RBBP4: variants seen among roughly 807,000 people sequenced by gnomAD.
RBBP4 encodes histone-binding protein RBBP4.
Under a neutral mutation model 57.2 loss-of-function variants are expected in RBBP4, and 3 were observed. The ratio of observed to expected loss-of-function variants is 0.05; its 90% CI spans 0.02 to 0.14. RBBP4 has a LOEUF of 0.14. RBBP4 is among the 10% of genes least tolerant of loss of function. The pLI is 1.00. For missense variants in RBBP4, 107 were observed against 520.6 expected (o/e 0.21, Z 7.73); for synonymous variants, 151 against 171.5 (o/e 0.88, Z 0.93).
intron 3 of RBBP4, among the ~76,000 whole-genome samples, chr1:32,660,533 C>G (rs1388905964): frequency 6.6e-6 from 1 of 151,894 alleles, no homozygotes; most frequent in African/African-American, 2.4e-5. Flanking sequence ...TCTCCTGATT[C>G]AGCCTCCCAA....
intron 3 of RBBP4, among the ~76,000 whole-genome samples, chr1:32,659,736 TTTA>T (rs1358353164): frequency 1.3e-5 from 2 of 152,220 alleles, no homozygotes; most frequent in Non-Finnish European, 2.9e-5. Context: ...ATAATTTGCT[TTTA>T]TGGCCTAATA....
chr1:32,651,841 T>C, intron 1 of RBBP4, 73 bp from the exon 2 acceptor site: 1 of 1,481,290 alleles, frequency 6.8e-7, no homozygotes, highest in South Asian at 1.2e-5. Flanking sequence ...GTAGGAGTCA[T>C]GCAGGTGGCT....
Position 32,658,578 on chromosome 1 carries a change from G to A in RBBP4, c.310+1006G>A, listed in dbSNP as rs2642552. Among the ~76,000 whole-genome samples the A allele has an allele frequency of 3.7e-3, 524 of 142,414 alleles. 5 individuals are homozygous for A. Among genetic ancestry groups the A allele is most frequent in the African/African-American group, 0.013 (494 of 38,160 alleles). 93.4% of individuals were successfully genotyped at this position (142,414 alleles called of 152,430 possible). A position where few individuals can be genotyped will look rare whatever the true frequency, so the allele number is the denominator to read the frequency against. On this transcript the variant is annotated intron_variant, in intron 3 of 11. Coordinates refer to ENST00000373493, the MANE Select transcript of RBBP4 (RefSeq NM_005610.3). ...TTTTTTTTTTTGGAGATGGAGTCTCGCTCTGCTGCCCAGGCTGGAGTGCAG... is the reference window on the plus strand; with the variant it reads ...TTTTTTTTTTTGGAGATGGAGTCTCACTCTGCTGCCCAGGCTGGAGTGCAG...
At chr1:32,654,182 G>A (rs1319612530) in intron 2 of RBBP4, among the ~76,000 whole-genome samples, 1 of 152,036 alleles carries the variant, frequency 6.6e-6, no homozygotes, top group African/African-American at 2.4e-5. Flanking sequence ...AGACCAGCCT[G>A]GGCAACATGG....
chr1:32,655,189 C>G (rs907731496), intron 2 of RBBP4, among the ~76,000 whole-genome samples: 5 of 152,024 alleles, frequency 3.3e-5, no homozygotes, highest in Non-Finnish European at 7.4e-5. Flanking sequence ...GTTGTCCAGA[C>G]TGTTCTTTAA....
chr1:32,669,900 GAA>G lies in RBBP4; in HGVS notation c.966+342_966+343del, dbSNP rs1648799986. Among the ~76,000 whole-genome samples the G allele has an allele frequency of 4.6e-5, 6 of 130,632 alleles. No individual in the cohort carries two copies. The highest frequency in any genetic ancestry group is 4.2e-4 in the South Asian group (2 of 4,734). 85.7% of individuals were successfully genotyped at this position (130,632 alleles called of 152,430 possible). ...AACGAGAGTCCGTCTCAAAAAAAAA[GAA>G]AAAAGAAAAACCTGGATGTATGAGT... On this transcript the variant is annotated intron_variant, in intron 8 of 11. Coordinates refer to ENST00000373493, the MANE Select transcript of RBBP4 (RefSeq NM_005610.3). The surrounding 1 kb of genome is among the most constrained non-coding windows in gnomAD (Gnocchi z 4.9).
At chr1:32,663,600 A>G (rs1266745685) in intron 3 of RBBP4, among the ~76,000 whole-genome samples, 1 of 148,912 alleles carries the variant, frequency 6.7e-6, no homozygotes, top group African/African-American at 2.5e-5. Flanking sequence ...TTTTTGAGAC[A>G]GAGTCTCGCT....
At chr1:32,677,470 TAAAAAAAAAAACAAAACAAA>T (rs1649150986) in intron 11 of RBBP4, among the ~76,000 whole-genome samples, 1 of 147,208 alleles carries the variant, frequency 6.8e-6, no homozygotes, top group Non-Finnish European at 1.5e-5. Flanking sequence ...ATCCTTTATT[TAAAAAAAAAAACAAAACAAA>T]AAACAAACAA....
Position 32,684,007 on chromosome 1 carries a change from C to G in RBBP4, c.*4302C>G, listed in dbSNP as rs1649631564. The G allele has an allele frequency of 6.2e-7, 1 of 1,613,414 alleles. No individual in the cohort carries two copies. The highest frequency in any genetic ancestry group is 1.3e-5 in the African/African-American group (1 of 74,910). Reference sequence around the variant, plus strand: ...ACACCACTCTTCTCTTCACAAAGATCACCTTGAGACTGTGTCTCCATTCCA... The same window carrying G: ...ACACCACTCTTCTCTTCACAAAGATGACCTTGAGACTGTGTCTCCATTCCA... On this transcript the variant is annotated 3_prime_UTR_variant, in exon 12 of 12. Transcript: ENST00000373493.
intron 11 of RBBP4, among the ~76,000 whole-genome samples, chr1:32,677,726 G>A (rs551497154): frequency 6.6e-6 from 1 of 152,150 alleles, no homozygotes; most frequent in African/African-American, 2.4e-5. Context: ...ACACCCAGTT[G>A]GTGTCCTAAG....
In RBBP4 at chr1:32,685,537, A is replaced by G. The variant is rs1469910302; in HGVS notation, c.*5832A>G. 1 of 152,220 alleles carries G rather than the reference A, an allele frequency of 6.6e-6. No homozygotes were observed. Among genetic ancestry groups the G allele is most frequent in the Non-Finnish European group, 1.5e-5 (1 of 68,042 alleles). The allele number at this position is 152,220 out of a possible 1,614,324, so 9.4% of individuals were successfully genotyped here. ...AAGGATCTAGATAATTTGTCCTCTGAGTCATACTTGACATTGTACCTGTGG... is the reference window on the plus strand; with the variant it reads ...AAGGATCTAGATAATTTGTCCTCTGGGTCATACTTGACATTGTACCTGTGG... On this transcript the variant is annotated 3_prime_UTR_variant, in exon 12 of 12. Coordinates refer to ENST00000373493, the MANE Select transcript of RBBP4 (RefSeq NM_005610.3).
Position 32,681,710 on chromosome 1 carries a change from T to C in RBBP4, c.*2005T>C, listed in dbSNP as rs1465987630. 4.4e-6 allele frequency: 6 copies of C among 1,379,058 alleles called. No individual in the cohort carries two copies. In the African/African-American group the frequency reaches 8.6e-5, roughly 20 times the overall value. The allele number at this position is 1,379,058 out of a possible 1,614,324, so 85.4% of individuals were successfully genotyped here. A position where few individuals can be genotyped will look rare whatever the true frequency, so the allele number is the denominator to read the frequency against. ...TCTTTTTAAGCAGGTCAGCCAGTATTTGCAACTTCCACAGGATGAATTGCT... is the reference window on the plus strand; with the variant it reads ...TCTTTTTAAGCAGGTCAGCCAGTATCTGCAACTTCCACAGGATGAATTGCT... On this transcript the variant is annotated 3_prime_UTR_variant, in exon 12 of 12. Transcript: ENST00000373493.
intron 2 of RBBP4, among the ~76,000 whole-genome samples, chr1:32,655,820 T>C (rs1004914542): frequency 4.6e-5 from 7 of 152,232 alleles, no homozygotes; most frequent in African/African-American, 1.4e-4. Context: ...TAAACCCCAA[T>C]GAATTCTGGT....
intron 3 of RBBP4, among the ~76,000 whole-genome samples, chr1:32,657,847 T>C (rs1648209736): frequency 6.6e-6 from 1 of 152,000 alleles, no homozygotes; most frequent in African/African-American, 2.4e-5. Context: ...ATATTATTGC[T>C]GTACATTCTT....
At chr1:32,668,528 T>A in intron 4 of RBBP4, 130 bp downstream of exon 4, 1 of 1,086,706 alleles carries the variant, frequency 9.2e-7, no homozygotes, top group Non-Finnish European at 1.3e-6. Flanking sequence ...ATGTGTATAT[T>A]TTTCTTCATT....
At chr1:32,656,281 G>A (rs1648135087) in intron 2 of RBBP4, among the ~76,000 whole-genome samples, 1 of 152,018 alleles carries the variant, frequency 6.6e-6, no homozygotes, top group African/African-American at 2.4e-5. Context: ...TGCAGCCTCC[G>A]CCTTTCGGGT....
chr1:32,656,488 G>A (rs1469085916), intron 2 of RBBP4, among the ~76,000 whole-genome samples: 2 of 152,156 alleles, frequency 1.3e-5, no homozygotes, highest in Non-Finnish European at 2.9e-5. Flanking sequence ...GAGTAGCTAG[G>A]ACTACAGGCA....
intron 3 of RBBP4, among the ~76,000 whole-genome samples, chr1:32,661,646 C>A (rs1046043398): frequency 6.6e-6 from 1 of 151,924 alleles, no homozygotes; most frequent in Non-Finnish European, 1.5e-5. Context: ...AGTTGTTGAA[C>A]TAATTTGCAT....
intron 8 of RBBP4, among the ~76,000 whole-genome samples, chr1:32,671,330 ATC>A (rs1648866013): frequency 6.6e-6 from 1 of 152,170 alleles, no homozygotes; most frequent in Non-Finnish European, 1.5e-5. Flanking sequence ...CATGCCTGTA[ATC>A]TCAGCGCTTT....
Sources: allele counts gnomAD v4.1 joint callset (sites outside exome capture counted in the v4.1 genomes callset), GRCh38; gene constraint gnomAD v4.1.1; non-coding constraint Gnocchi (gnomAD v3.1); transcripts MANE v1.5; gene names NCBI Gene and HGNC (gene_info 2026-07-23, HGNC 2026-07-21).